The following BACH2 variants were observed in gnomAD, a reference collection of about 807,000 sequenced individuals.
BACH2 encodes the protein BACH transcriptional regulator 2, also known as transcription regulator protein BACH2.
BACH2 carries 5 observed loss-of-function variants against 61.8 expected under a neutral mutation model. The ratio of observed to expected loss-of-function variants is 0.08; its 90% CI spans 0.04 to 0.17. The LOEUF is 0.17. Ranked by LOEUF, BACH2 falls within the 10% of genes least tolerant of loss-of-function variation. BACH2 has a pLI of 1.00. For missense variants in BACH2, 824 were observed against 1,091.1 expected, an observed-to-expected ratio of 0.76 and a Z score of 3.45; for synonymous variants, 446 against 440.1, an observed-to-expected ratio of 1.01 and a Z score of -0.17.
intron 4 of BACH2, among the ~76,000 whole-genome samples, chr6:90,126,532 T>A (rs1783858421): frequency 6.6e-6 from 1 of 152,288 alleles, no homozygotes; most frequent in East Asian, 1.9e-4. Flanking sequence ...AGAGTGAACA[T>A]GAACATAGAG....
intron 4 of BACH2, among the ~76,000 whole-genome samples, chr6:90,190,486 C>A (rs1158891646): frequency 6.6e-6 from 1 of 152,196 alleles, no homozygotes; most frequent in East Asian, 1.9e-4. Context: ...TCTTACAGAA[C>A]AGAAAAGCAG....
At chr6:89,990,150 C>T (rs1460264460) in intron 6 of BACH2, among the ~76,000 whole-genome samples, 1 of 152,152 alleles carries the variant, frequency 6.6e-6, no homozygotes. Flanking sequence ...AAACTTCCAT[C>T]CAGCACCAAG....
At chr6:90,132,072 AAC>A (rs1784097626) in intron 4 of BACH2, among the ~76,000 whole-genome samples, 1 of 152,322 alleles carries the variant, frequency 6.6e-6, no homozygotes, top group African/African-American at 2.4e-5. Flanking sequence ...AGTAAATGAA[AAC>A]ACACACTACT....
intron 2 of BACH2, among the ~76,000 whole-genome samples, chr6:90,271,014 G>A (rs1314683828): frequency 2.6e-5 from 4 of 152,110 alleles, no homozygotes; most frequent in Non-Finnish European, 4.4e-5. Flanking sequence ...TGGAATAATT[G>A]GCAAGCCACA....
intron 4 of BACH2, among the ~76,000 whole-genome samples, chr6:90,096,636 G>C (rs1397139261): frequency 6.6e-6 from 1 of 152,196 alleles, no homozygotes; most frequent in Non-Finnish European, 1.5e-5. Context: ...GGTACACATA[G>C]AGGAACCAGA....
chr6:89,951,757 G>A lies in BACH2; in HGVS notation c.349C>T (p.Arg117Cys). ...CAGGAGTCCTCCAGGTTGTGCATGC[G>A]CAGGAACTCAGCACAGCGGATGACC... ...REVIRCAEFL[R>C]MHNLEDSCFS... Residue 117 changes from arginine to cysteine, a missense_variant, in exon 7 of 9, where the codon CGC (arginine) becomes TGC (cysteine). Transcript: ENST00000257749. The surrounding 1 kb of genome is among the most constrained non-coding windows in gnomAD (Gnocchi z 6.4). 6.2e-7 allele frequency: 1 copy of A among 1,614,222 alleles called. No homozygotes were observed.
intron 4 of BACH2, among the ~76,000 whole-genome samples, chr6:90,147,499 C>T (rs749668757): frequency 8.5e-5 from 13 of 152,148 alleles, no homozygotes; most frequent in Admixed American, 3.9e-4. Flanking sequence ...TCCTGGATCC[C>T]GGGTGCACGA....
At chr6:89,968,667 T>C (rs190770756) in intron 6 of BACH2, among the ~76,000 whole-genome samples, 23 of 152,242 alleles carry the variant, frequency 1.5e-4, no homozygotes, top group African/African-American at 4.6e-4. Context: ...GAGCATTCAC[T>C]GTGCTGGATG....
chr6:90,261,942 T>C (rs1771172447), intron 2 of BACH2, among the ~76,000 whole-genome samples: 1 of 152,174 alleles, frequency 6.6e-6, no homozygotes, highest in African/African-American at 2.4e-5. Flanking sequence ...CATGAACTTC[T>C]GTAGGAGCAG....
At chr6:90,150,308 C>T (rs568412181) in intron 4 of BACH2, among the ~76,000 whole-genome samples, 16 of 152,184 alleles carry the variant, frequency 1.1e-4, no homozygotes, top group Non-Finnish European at 2.4e-4. Context: ...TCAGCAAGAC[C>T]AAATAATAAT....
intron 4 of BACH2, among the ~76,000 whole-genome samples, chr6:90,186,395 A>T (rs1453997437): frequency 6.6e-6 from 1 of 152,232 alleles, no homozygotes; most frequent in Admixed American, 6.5e-5. Flanking sequence ...CCTAAAATAT[A>T]ACCAAGGTTA....
intron 4 of BACH2, among the ~76,000 whole-genome samples, chr6:90,092,291 A>AAAAAAAAATAT: frequency 2.9e-4 from 33 of 113,808 alleles, no homozygotes; most frequent in African/African-American, 1.1e-3. Flanking sequence ...AAAAAAAAAA[A>AAAAAAAAATAT]ATATATATAT....
chr6:90,279,031 G>A (rs1193383711), intron 1 of BACH2, among the ~76,000 whole-genome samples: 1 of 152,074 alleles, frequency 6.6e-6, no homozygotes. Context: ...TTGTTTGAAA[G>A]CTGGTGTATA....
intron 1 of BACH2, among the ~76,000 whole-genome samples, chr6:90,282,200 G>C (rs1407221454): frequency 6.6e-6 from 1 of 152,134 alleles, no homozygotes; most frequent in Non-Finnish European, 1.5e-5. Flanking sequence ...ACATGTACTG[G>C]TTTGTTACAC....
intron 3 of BACH2, among the ~76,000 whole-genome samples, chr6:90,233,096 T>C (rs898030004): frequency 6.6e-6 from 1 of 152,182 alleles, no homozygotes; most frequent in Non-Finnish European, 1.5e-5. Flanking sequence ...TGAAGCAACA[T>C]CAATTTCTCA....
chr6:90,072,734 A>G (rs1460798924), intron 5 of BACH2, among the ~76,000 whole-genome samples: 2 of 152,174 alleles, frequency 1.3e-5, no homozygotes, highest in African/African-American at 4.8e-5. Context: ...AATCCATTCT[A>G]TCAAGGGATA....
At chr6:89,937,466 G>A (rs1773095710) in intron 8 of BACH2, among the ~76,000 whole-genome samples, 1 of 152,122 alleles carries the variant, frequency 6.6e-6, no homozygotes, top group East Asian at 1.9e-4. Context: ...GATTAAATGG[G>A]ATCATCCATA....
chr6:90,161,818 T>A (rs1201187626), intron 4 of BACH2, among the ~76,000 whole-genome samples: 1 of 152,134 alleles, frequency 6.6e-6, no homozygotes, highest in African/African-American at 2.4e-5. Context: ...GATGGATGGC[T>A]CTGGAACCAT....
chr6:90,251,627 C>A (rs78116518), intron 3 of BACH2, among the ~76,000 whole-genome samples: 4 of 152,214 alleles, frequency 2.6e-5, no homozygotes, highest in Admixed American at 2.6e-4. Flanking sequence ...GTATGTGTCA[C>A]CAGGGTATTT....
Sources: gnomAD v4.1 joint callset for allele counts (sites outside exome capture counted in the v4.1 genomes callset) on GRCh38, gnomAD v4.1.1 for gene constraint, Gnocchi (gnomAD v3.1) non-coding constraint, MANE v1.5 for transcripts, NCBI Gene and HGNC (gene_info 2026-07-23, HGNC 2026-07-21) for gene names.